The following SHOC2 variants were observed in gnomAD, a reference collection of about 807,000 sequenced individuals.
SHOC2 encodes the protein SHOC2 leucine rich repeat scaffold protein, also known as leucine-rich repeat protein SHOC-2.
In SHOC2, 4 loss-of-function variants were observed where a neutral mutation model predicts 50.2. The ratio of observed to expected loss-of-function variants is 0.08; its 90% CI spans 0.04 to 0.18. SHOC2 has a LOEUF of 0.18. Ranked by LOEUF, SHOC2 falls within the 10% of genes least tolerant of loss-of-function variation. The pLI is 1.00. For missense variants in SHOC2, 388 were observed against 669.6 expected (o/e 0.58, Z 4.64); for synonymous variants, 218 against 244.5 (o/e 0.89, Z 1.01).
At chr10:110,936,686 C>T in intron 1 of SHOC2, 4 of 944,584 alleles carry the variant, frequency 4.2e-6, no homozygotes, top group Non-Finnish European at 6.5e-6. Context: ...CTCCATGTTC[C>T]TCTTGGCCTG....
intron 4 of SHOC2, among the ~76,000 whole-genome samples, chr10:111,001,334 A>T (rs989890128): frequency 2.6e-5 from 4 of 151,778 alleles, no homozygotes; most frequent in African/African-American, 9.7e-5. Flanking sequence ...TTGTATTTTT[A>T]GTAGAGATGG....
intron 1 of SHOC2, among the ~76,000 whole-genome samples, chr10:110,930,635 A>G (rs1002920178): frequency 1.3e-5 from 2 of 152,038 alleles, no homozygotes; most frequent in Non-Finnish European, 2.9e-5. Context: ...TGCATGGGAA[A>G]TGAAAAGTAA....
intron 1 of SHOC2, among the ~76,000 whole-genome samples, chr10:110,925,890 CTAAT>C (rs1217586315): frequency 6.6e-6 from 1 of 152,092 alleles, no homozygotes; most frequent in Non-Finnish European, 1.5e-5. Flanking sequence ...CTTGATGCTC[CTAAT>C]TATTTTTATT....
In SHOC2 at chr10:110,958,966, T is replaced by TTC. The variant is rs542322217; in HGVS notation, c.-234-5158_-234-5157insCT. Among the ~76,000 whole-genome samples the TTC allele has an allele frequency of 3.2e-3, 486 of 152,312 alleles. 26 individuals carry two copies. In the South Asian group the frequency reaches 0.093, roughly 29 times the overall value. On this transcript the variant is annotated intron_variant, in intron 1 of 8. Transcript: ENST00000369452. ...AACATTCTGTAACACTTCCTTACTC[T>TTC]TAAAATGATAGTAACCTACATTATT...
intron 8 of SHOC2, 40 bp from the exon 9 acceptor site, chr10:111,011,570 A>G: frequency 6.9e-7 from 1 of 1,447,730 alleles, no homozygotes; most frequent in Non-Finnish European, 9.7e-7. Context: ...TTAAAATAGC[A>G]ACTAATTTTT....
chr10:110,988,095 C>T (rs1848115017), intron 3 of SHOC2, among the ~76,000 whole-genome samples: 1 of 151,862 alleles, frequency 6.6e-6, no homozygotes, highest in Non-Finnish European at 1.5e-5. Context: ...AATTGCTTAC[C>T]AAGAAGAAAT....
chr10:110,998,975 T>C (rs1186031326), intron 3 of SHOC2, among the ~76,000 whole-genome samples: 3 of 152,198 alleles, frequency 2.0e-5, no homozygotes, highest in African/African-American at 7.2e-5. Context: ...TGTAGTAATA[T>C]TGCATCTAAG....
intron 3 of SHOC2, among the ~76,000 whole-genome samples, chr10:110,998,683 AAGTGGTGGT>A (rs140348979): frequency 0.017 from 2,655 of 152,310 alleles, 78 homozygotes; most frequent in African/African-American, 0.061. Context: ...GGAAGAATTG[AAGTGGTGGT>A]TACATTTTTC....
intron 3 of SHOC2, among the ~76,000 whole-genome samples, chr10:110,989,948 T>G (rs1252631866): frequency 6.6e-6 from 1 of 152,208 alleles, no homozygotes; most frequent in Non-Finnish European, 1.5e-5. Context: ...GTTTTTACAT[T>G]AAAATATGTA....
chr10:110,953,891 T>A (rs1408594446), intron 1 of SHOC2, among the ~76,000 whole-genome samples: 1 of 151,152 alleles, frequency 6.6e-6, no homozygotes, highest in African/African-American at 2.4e-5. Flanking sequence ...GGAAAATTTT[T>A]AATTATATAT....
chr10:110,943,254 A>AT (rs1348819840), intron 1 of SHOC2, among the ~76,000 whole-genome samples: 1 of 142,238 alleles, frequency 7.0e-6, no homozygotes, highest in Non-Finnish European at 1.5e-5. Flanking sequence ...CTTTTTCTTT[A>AT]TTCTTTTTTT....
chr10:110,935,401 C>G (rs1846986932), intron 1 of SHOC2, among the ~76,000 whole-genome samples: 1 of 152,154 alleles, frequency 6.6e-6, no homozygotes, highest in East Asian at 1.9e-4. Flanking sequence ...TTTTTATTAA[C>G]TACATAATAT....
chr10:110,933,971 T>G (rs954798816), intron 1 of SHOC2, among the ~76,000 whole-genome samples: 20 of 152,182 alleles, frequency 1.3e-4, no homozygotes, highest in Non-Finnish European at 2.6e-4. Flanking sequence ...ATGTAGCTAT[T>G]AGCTGTATTT....
At chr10:111,000,164 T>C (rs1414825253) in intron 3 of SHOC2, among the ~76,000 whole-genome samples, 1 of 152,230 alleles carries the variant, frequency 6.6e-6, no homozygotes, top group Non-Finnish European at 1.5e-5. Flanking sequence ...CAATACTTTA[T>C]CTAATCGTTC....
At chr10:111,008,286 A>C (rs573795347) in intron 6 of SHOC2, among the ~76,000 whole-genome samples, 1 of 151,192 alleles carries the variant, frequency 6.6e-6, no homozygotes, top group East Asian at 1.9e-4. Context: ...CTTTGATGAA[A>C]ATGCTTACTA....
chr10:110,994,223 A>G (rs1390686690), intron 3 of SHOC2, among the ~76,000 whole-genome samples: 2 of 152,192 alleles, frequency 1.3e-5, no homozygotes, highest in African/African-American at 4.8e-5. Context: ...CACTACTTGG[A>G]GGAAAATGTT....
chr10:111,011,582 A>C, intron 8 of SHOC2, 28 bp from the exon 9 acceptor site: 1 of 1,570,266 alleles, frequency 6.4e-7, no homozygotes. Flanking sequence ...CTAATTTTTA[A>C]AAAAAAATTG....
At chr10:110,946,526 G>C (rs1847249457) in intron 1 of SHOC2, among the ~76,000 whole-genome samples, 1 of 151,704 alleles carries the variant, frequency 6.6e-6, no homozygotes, top group South Asian at 2.1e-4. Flanking sequence ...GAAAAATAAA[G>C]CAGGGTAAAA....
chr10:110,945,000 C>T (rs992967562), intron 1 of SHOC2, among the ~76,000 whole-genome samples: 4 of 152,156 alleles, frequency 2.6e-5, no homozygotes, highest in African/African-American at 9.7e-5. Flanking sequence ...TGAGCATGTA[C>T]ACAGCCTTAG....
Sources: allele counts gnomAD v4.1 joint callset (sites outside exome capture counted in the v4.1 genomes callset), GRCh38; gene constraint gnomAD v4.1.1; transcripts MANE v1.5; gene names NCBI Gene and HGNC (gene_info 2026-07-23, HGNC 2026-07-21).